SYPL1: variants seen among roughly 807,000 people sequenced by gnomAD.
The protein encoded by SYPL1 is synaptophysin-like protein 1.
Under a neutral mutation model 23.7 loss-of-function variants are expected in SYPL1, and 6 were observed. That is an observed-to-expected ratio of 0.25 (90% CI 0.14 to 0.50). SYPL1 has a LOEUF of 0.50. Among genes scored for constraint, SYPL1 ranks in the 20% least tolerant of loss-of-function variants. SYPL1 has a pLI of 0.98. For synonymous variants in SYPL1, 102 were observed against 104.5 expected, an observed-to-expected ratio of 0.98 and a Z score of 0.15; for missense variants, 253 against 288.9, an observed-to-expected ratio of 0.88 and a Z score of 0.90.
At position 106,104,781 on chromosome 7, in the gene SYPL1, TG is replaced by T. The variant is rs1191573670; in HGVS notation, c.70-5500del. ...TTATATTAAACAAAGTACAAAATTA[TG>T]AGGGCAAAATATCCAACTATCTCAC... On this transcript the variant is annotated intron_variant, in intron 1 of 4. Coordinates refer to ENST00000455385, the MANE Select transcript of SYPL1 (RefSeq NM_182715.4). The surrounding 1 kb of genome is among the most constrained non-coding windows in gnomAD (Gnocchi z 4.1). 6.6e-6 allele frequency among the ~76,000 whole-genome samples: 1 copy of T among 152,192 alleles called. No individual in the cohort carries two copies. Among genetic ancestry groups the T allele is most frequent in the Non-Finnish European group, 1.5e-5 (1 of 68,034 alleles).
chr7:106,109,329 T>C lies in SYPL1; in HGVS notation c.69+2811A>G, dbSNP rs141733940. 3.5e-3 allele frequency among the ~76,000 whole-genome samples: 526 copies of C among 152,310 alleles called. 1 individual carries two copies. The highest frequency in any genetic ancestry group is 9.1e-3 in the South Asian group (44 of 4,832). On this transcript the variant is annotated intron_variant, in intron 1 of 4. Coordinates refer to ENST00000455385, the MANE Select transcript of SYPL1 (RefSeq NM_182715.4). The surrounding 1 kb of genome is among the most constrained non-coding windows in gnomAD (Gnocchi z 4.3). ...TCTTCACTTTCTTACCACACATTCA[T>C]TCAGCCTACTAAAATCTGGCTTTTT...
At position 106,097,773 on chromosome 7, in the gene SYPL1, CAA is replaced by C; in HGVS notation, c.317_318del (p.Phe106CysfsTer22). 6.2e-7 allele frequency: 1 copy of C among 1,614,054 alleles called. No individual in the cohort carries two copies. The highest frequency in any genetic ancestry group is 1.1e-5 in the South Asian group (1 of 91,076). On this transcript the variant is annotated frameshift_variant, in exon 3 of 5. Coordinates refer to ENST00000455385, the MANE Select transcript of SYPL1 (RefSeq NM_182715.4). LOFTEE classifies it high-confidence loss of function. The surrounding 1 kb of genome is among the most constrained non-coding windows in gnomAD (Gnocchi z 4.6). ...SAQFYVTFAV[F>X]VFLYCIAALL... is the part of the protein sequence containing the mutation. ...AGGGCAGCAATGCAGTACAGGAACA[CAA>C]AGACTGCAAAGGTAACATAGAATTG...
intron 1 of SYPL1, 26 bp from the exon 2 acceptor site, chr7:106,099,308 C>G: frequency 6.3e-7 from 1 of 1,580,960 alleles, no homozygotes. Context: ...TGAAAAAAGA[C>G]AAAAGAAAAA....
chr7:106,111,263 G>C (rs983434338), intron 1 of SYPL1, among the ~76,000 whole-genome samples: 1 of 152,168 alleles, frequency 6.6e-6, no homozygotes, highest in African/African-American at 2.4e-5. Context: ...CTAAGGAAAA[G>C]GGCGAAAAAG....
In SYPL1 at chr7:106,091,790, T is replaced by C; in HGVS notation, c.*15A>G. ...GTATCAACATATACTTCATACAGTG[T>C]ATTTCTCCCTTTAATTATATTCCGG... On this transcript the variant is annotated 3_prime_UTR_variant, in exon 5 of 5. Coordinates refer to ENST00000455385, the MANE Select transcript of SYPL1 (RefSeq NM_182715.4). The surrounding 1 kb of genome is among the most constrained non-coding windows in gnomAD (Gnocchi z 5.0). 1 of 1,606,234 alleles carries C rather than the reference T, an allele frequency of 6.2e-7. No individual in the cohort carries two copies. Among genetic ancestry groups the C allele is most frequent in the East Asian group, 2.2e-5 (1 of 44,812 alleles).
intron 3 of SYPL1, among the ~76,000 whole-genome samples, chr7:106,094,925 A>G (rs1487753775): frequency 6.6e-6 from 1 of 152,202 alleles, no homozygotes; most frequent in Middle Eastern, 3.2e-3. Context: ...CCCTTCAGAT[A>G]GTATTTGCTC....
At chr7:106,103,538 A>T (rs1370712576) in intron 1 of SYPL1, among the ~76,000 whole-genome samples, 1 of 152,192 alleles carries the variant, frequency 6.6e-6, no homozygotes, top group Non-Finnish European at 1.5e-5. Flanking sequence ...AACACTTTAC[A>T]TGTCACTAAT....
At chr7:106,103,673 T>C (rs766669379) in intron 1 of SYPL1, among the ~76,000 whole-genome samples, 31 of 152,244 alleles carry the variant, frequency 2.0e-4, no homozygotes, top group Non-Finnish European at 4.1e-4. Flanking sequence ...TCTGGATAGA[T>C]TGGGTTAAGT....
At chr7:106,105,819 A>G (rs924754208) in intron 1 of SYPL1, among the ~76,000 whole-genome samples, 7 of 152,196 alleles carry the variant, frequency 4.6e-5, no homozygotes, top group African/African-American at 1.7e-4. Flanking sequence ...AACCTCATCT[A>G]TTCTTTCACT....
rs1355916078 is a variant in SYPL1, at chr7:106,097,247, C to G, written c.402+443G>C. ...AAAGAAGTAAAAATAAAAAATAAGA[C>G]AGTGACCTCTGGGACATAGTTTGTG... is the stretch of plus-strand genomic sequence containing the variant. On this transcript the variant is annotated intron_variant, in intron 3 of 4. Coordinates refer to ENST00000455385, the MANE Select transcript of SYPL1 (RefSeq NM_182715.4). The surrounding 1 kb of genome is among the most constrained non-coding windows in gnomAD (Gnocchi z 4.6). Among the ~76,000 whole-genome samples, 1 of 152,024 alleles carries G rather than the reference C, an allele frequency of 6.6e-6. No individual in the cohort carries two copies. Among genetic ancestry groups the G allele is most frequent in the Non-Finnish European group, 1.5e-5 (1 of 67,986 alleles).
At chr7:106,112,501 T>C (rs778412371), upstream of SYPL1, 4 of 1,524,746 alleles carry the variant, frequency 2.6e-6, no homozygotes, top group South Asian at 3.7e-5. Context: ...ACTGATCCGC[T>C]GGCGAACCAA....
At chr7:106,092,457 G>A (rs963456404) in intron 4 of SYPL1, 2 of 222,254 alleles carry the variant, frequency 9.0e-6, no homozygotes, top group Non-Finnish European at 1.8e-5. Flanking sequence ...CAGATCACTT[G>A]AGGTCGGGAG....
chr7:106,094,368 T>C (rs533295158), intron 3 of SYPL1, among the ~76,000 whole-genome samples: 2 of 152,382 alleles, frequency 1.3e-5, no homozygotes, highest in African/African-American at 4.8e-5. Context: ...AGCTATGCTA[T>C]ATAGCTTGCC....
rs768040366 is a variant in SYPL1, at chr7:106,096,253, GAATTA to G, written c.402+1432_402+1436del. 4 of 151,934 alleles carry G rather than the reference GAATTA, an allele frequency of 2.6e-5. No homozygotes were observed. Among genetic ancestry groups the G allele is most frequent in the Non-Finnish European group, 5.9e-5 (4 of 67,982 alleles). 9.4% of individuals were successfully genotyped at this position (151,934 alleles called of 1,614,324 possible). ...TGTGTCTCCTATGACATAAGAAACA[GAATTA>G]AATATGAATGATAAAAGACTGTTGT... is the stretch of plus-strand genomic sequence containing the variant. On this transcript the variant is annotated intron_variant, in intron 3 of 4. Transcript: ENST00000455385. This position sits in a 1 kb window ranked among gnomAD's most constrained non-coding sequence, Gnocchi z 4.4.
Position 106,105,485 on chromosome 7 carries a change from C to A in SYPL1, c.70-6203G>T, listed in dbSNP as rs368548714. 1.3e-3 allele frequency among the ~76,000 whole-genome samples: 197 copies of A among 148,036 alleles called. 5 individuals are homozygous for A. In the South Asian group the frequency reaches 0.04, roughly 30 times the overall value. ...AGCCCCAAGTATCCAGAGAAACAGT[C>A]CCACTTACTTCTCTGCCCACCAGAC... On this transcript the variant is annotated intron_variant, in intron 1 of 4. Coordinates refer to ENST00000455385, the MANE Select transcript of SYPL1 (RefSeq NM_182715.4).
intron 3 of SYPL1, among the ~76,000 whole-genome samples, chr7:106,094,286 T>TA (rs1310018975): frequency 6.6e-6 from 1 of 152,198 alleles, no homozygotes; most frequent in East Asian, 1.9e-4. Flanking sequence ...ATTTTAATGA[T>TA]AAAAACCACA....
intron 1 of SYPL1, among the ~76,000 whole-genome samples, chr7:106,099,569 A>G (rs1158889154): frequency 6.6e-6 from 1 of 151,780 alleles, no homozygotes; most frequent in Non-Finnish European, 1.5e-5. Flanking sequence ...TTTTCTTTGA[A>G]TTTTAGTAGA....
chr7:106,106,749 G>A (rs1329329839), intron 1 of SYPL1, among the ~76,000 whole-genome samples: 2 of 151,886 alleles, frequency 1.3e-5, no homozygotes, highest in Non-Finnish European at 2.9e-5. Context: ...GTAGACTGAA[G>A]TGAGAGAAAA....
At position 106,112,184 on chromosome 7, in the gene SYPL1, T is replaced by C; in HGVS notation, c.25A>G (p.Asn9Asp). 1 of 1,545,296 alleles carries C rather than the reference T, an allele frequency of 6.5e-7. No homozygotes were observed. Among genetic ancestry groups the C allele is most frequent in the South Asian group, 1.2e-5 (1 of 85,706 alleles). ...AAGCCGAGTGGCTCCTTGAGCGGGT[T>C]GAGGTTGATCTGGAAGCCGGACATC... MSGFQINL[N>D]PLKEPLGFIK... Residue 9 changes from asparagine (N) to aspartate (D), a missense_variant, in exon 1 of 5, where the codon AAC becomes GAC. Physicochemically the swap from Asn to Asp is conservative, Grantham distance 23. Transcript: ENST00000455385.
Sources: gnomAD v4.1 joint callset for allele counts (sites outside exome capture counted in the v4.1 genomes callset) on GRCh38, gnomAD v4.1.1 for gene constraint, Gnocchi (gnomAD v3.1) non-coding constraint, MANE v1.5 for transcripts, NCBI Gene and HGNC (gene_info 2026-07-23, HGNC 2026-07-21) for gene names.